KCNMB3: variants seen among roughly 807,000 people sequenced by gnomAD.
The protein encoded by KCNMB3 is calcium-activated potassium channel subunit beta-3.
KCNMB3 carries 18 observed loss-of-function variants against 11.9 expected under a neutral mutation model. The observed-to-expected ratio is 1.51, with a 90% CI of 1.04 to 2.23. KCNMB3 has a LOEUF of 2.23. Ranked by LOEUF, KCNMB3 falls within the 30% of genes most tolerant of loss-of-function variation. The probability of loss-of-function intolerance (pLI) is 0.00; values close to 1 mark genes in which losing one functional copy is unlikely to be tolerated. For synonymous variants in KCNMB3, 78 were observed against 119.2 expected, an observed-to-expected ratio of 0.65 and a Z score of 2.25; for missense variants, 247 against 329.4, an observed-to-expected ratio of 0.75 and a Z score of 1.94.
upstream of KCNMB3, chr3:179,251,521 G>T: frequency 7.3e-7 from 1 of 1,370,088 alleles, no homozygotes; most frequent in South Asian, 2.1e-5. Flanking sequence ...GGCCACTCAT[G>T]GTTCTGCATA....
intron 1 of KCNMB3, chr3:179,259,903 T>C (rs1320393381): frequency 2.1e-5 from 34 of 1,613,632 alleles, no homozygotes; most frequent in Non-Finnish European, 2.7e-5. Flanking sequence ...TCTGTCTTGA[T>C]TGGTTTCTCA....
intron 1 of KCNMB3, among the ~76,000 whole-genome samples, chr3:179,249,307 C>T (rs1450683343): frequency 1.3e-5 from 2 of 149,200 alleles, no homozygotes; most frequent in Admixed American, 1.3e-4. Flanking sequence ...GCCACCGCGC[C>T]TGGCCCAACC....
intron 1 of KCNMB3, among the ~76,000 whole-genome samples, chr3:179,245,273 C>T (rs1490707028): frequency 6.6e-6 from 1 of 151,728 alleles, no homozygotes; most frequent in Non-Finnish European, 1.5e-5. Flanking sequence ...GGCCGTTGGT[C>T]AACATAGCCT....
At chr3:179,260,664 CTA>C in intron 1 of KCNMB3, 1 of 1,346,280 alleles carries the variant, frequency 7.4e-7, no homozygotes, top group Non-Finnish European at 1.1e-6. Flanking sequence ...CCATTGGTAA[CTA>C]TTTCTGAATT....
intron 1 of KCNMB3, chr3:179,260,336 T>C: frequency 3.1e-6 from 5 of 1,614,068 alleles, no homozygotes; most frequent in South Asian, 1.1e-5. Flanking sequence ...TTTGAACCTG[T>C]TCCTCATAGG....
At chr3:179,257,259 TA>T (rs1726040933) in intron 1 of KCNMB3, among the ~76,000 whole-genome samples, 1 of 152,250 alleles carries the variant, frequency 6.6e-6, no homozygotes, top group South Asian at 2.1e-4. Flanking sequence ...CAATTTTTTT[TA>T]CAACTATAAA....
intron 1 of KCNMB3, among the ~76,000 whole-genome samples, chr3:179,247,345 A>G (rs1725675215): frequency 6.6e-6 from 1 of 151,750 alleles, no homozygotes; most frequent in Non-Finnish European, 1.5e-5. Context: ...TAATGCATAT[A>G]TATATATATA....
intron 1 of KCNMB3, among the ~76,000 whole-genome samples, chr3:179,246,587 C>T (rs529551843): frequency 1.3e-5 from 2 of 151,924 alleles, no homozygotes; most frequent in East Asian, 1.9e-4. Context: ...CTAGATATGG[C>T]CAAAGAAAAA....
intron 1 of KCNMB3, chr3:179,259,681 T>C: frequency 6.2e-7 from 1 of 1,606,272 alleles, no homozygotes; most frequent in East Asian, 2.2e-5. Context: ...TAAACATCTT[T>C]AAGGGTTTCT....
Position 179,250,941 on chromosome 3 carries a change from G to A in KCNMB3, c.50C>T (p.Pro17Leu). 1 of 1,614,144 alleles carries A rather than the reference G, an allele frequency of 6.2e-7. No individual in the cohort carries two copies. Among genetic ancestry groups the A allele is most frequent in the Non-Finnish European group, 8.5e-7 (1 of 1,180,024 alleles). Reference sequence around the variant, plus strand: ...TGAGGCAGGAAAGGCTGTCCTTTGGGGAAAGGGAGAAGGAGATACTGCAGT... The same window carrying A: ...TGAGGCAGGAAAGGCTGTCCTTTGGAGAAAGGGAGAAGGAGATACTGCAGT... ...ELTAVSPSPF[P>L]QRTAFPASGK... Residue 17 changes from proline (P) to leucine (L), a missense_variant, in exon 1 of 3, where the codon CCC becomes CTC. This residue lies in a region of KCNMB3 where 160 missense variants were observed against 157.5 expected (regional missense o/e 1.02). Coordinates refer to ENST00000392685, the MANE Select transcript of KCNMB3 (RefSeq NM_171830.2).
chr3:179,253,122 C>CCTGTAGTTT (rs1475450293), upstream of KCNMB3, among the ~76,000 whole-genome samples: 2 of 152,116 alleles, frequency 1.3e-5, no homozygotes, highest in African/African-American at 4.8e-5. Flanking sequence ...GTTTCCAGGA[C>CCTGTAGTTT]CCAATATCCT....
At chr3:179,239,839 T>C (rs558733636), downstream of KCNMB3, 43 of 497,588 alleles carry the variant, frequency 8.6e-5, no homozygotes, top group South Asian at 1.7e-3. Context: ...AAGAAAAACG[T>C]TTTTAATGTC....
intron 1 of KCNMB3, among the ~76,000 whole-genome samples, chr3:179,265,910 C>T (rs1029695505): frequency 2.6e-5 from 4 of 152,168 alleles, no homozygotes; most frequent in African/African-American, 9.7e-5. Flanking sequence ...CTTTTCATTT[C>T]CCTGGGGAGA....
chr3:179,251,520 T>A, upstream of KCNMB3: 1 of 1,373,422 alleles, frequency 7.3e-7, no homozygotes, highest in Non-Finnish European at 9.3e-7. Flanking sequence ...TGGCCACTCA[T>A]GGTTCTGCAT....
intron 1 of KCNMB3, chr3:179,261,081 A>AC (rs1446038340): frequency 2.7e-6 from 3 of 1,107,376 alleles, no homozygotes; most frequent in Non-Finnish European, 4.1e-6. Context: ...ATGTTACGAG[A>AC]CCCCTTCTCA....
chr3:179,264,451 T>G (rs551466685), intron 1 of KCNMB3, among the ~76,000 whole-genome samples: 132 of 152,316 alleles, frequency 8.7e-4, no homozygotes, highest in African/African-American at 2.9e-3. Context: ...TATTGATTCC[T>G]TTTTCTGCCA....
downstream of KCNMB3, chr3:179,241,525 T>C (rs1725458289): frequency 1.3e-5 from 2 of 154,098 alleles, no homozygotes. Context: ...TTTGTTTGAT[T>C]ACATCTACAT....
exon 1 of KCNMB3, chr3:179,266,875 A>G (rs538069967): frequency 3.1e-5 from 45 of 1,430,590 alleles, no homozygotes; most frequent in Admixed American, 3.1e-4. Context: ...TGGAGAGGTG[A>G]GAACTTCAGG....
At chr3:179,253,485 TATAAA>T (rs903556271), upstream of KCNMB3, among the ~76,000 whole-genome samples, 15 of 152,112 alleles carry the variant, frequency 9.9e-5, no homozygotes, top group Admixed American at 8.5e-4. Flanking sequence ...GAAGGGATAA[TATAAA>T]ATAATCATAA....
Sources: gnomAD v4.1 joint callset for allele counts (sites outside exome capture counted in the v4.1 genomes callset) on GRCh38, gnomAD v4.1.1 for gene constraint, gnomAD v4.1.1 regional missense constraint, MANE v1.5 for transcripts, NCBI Gene and HGNC (gene_info 2026-07-23, HGNC 2026-07-21) for gene names.